Variants in ABCB11 observed in about 807,000 individuals in gnomAD.
ABCB11 encodes the protein bile salt export pump.
ABCB11 carries 95 observed loss-of-function variants against 148.0 expected under a neutral mutation model. That is an observed-to-expected ratio of 0.64 (90% CI 0.54 to 0.76). ABCB11 has a LOEUF of 0.76. ABCB11 is among the 30% of genes least tolerant of loss of function. ABCB11 has a pLI of 0.00. For synonymous variants in ABCB11, 591 were observed against 555.4 expected (o/e 1.06, Z -0.90); for missense variants, 1,523 against 1,617.8 (o/e 0.94, Z 1.01).
In ABCB11 at chr2:168,958,780, A is replaced by G. The variant is rs571217141; in HGVS notation, c.2179-652T>C. Reference sequence around the variant, plus strand: ...ATTAAGTCAGAGCTAGCAGTTTTTTATCTTCTCAAAGGCAAATATTATACA... The same window carrying G: ...ATTAAGTCAGAGCTAGCAGTTTTTTGTCTTCTCAAAGGCAAATATTATACA... On this transcript the variant is annotated intron_variant, in intron 18 of 27. Transcript: ENST00000650372. Among the ~76,000 whole-genome samples, 233 of 151,736 alleles carry G rather than the reference A, an allele frequency of 1.5e-3. 4 individuals carry two copies. The highest frequency in any genetic ancestry group is 5.0e-3 in the African/African-American group (208 of 41,498).
chr2:168,984,583 A>C (rs1308918367), intron 10 of ABCB11, among the ~76,000 whole-genome samples: 2 of 152,172 alleles, frequency 1.3e-5, no homozygotes, highest in Non-Finnish European at 2.9e-5. Flanking sequence ...AAGTACATTT[A>C]TTAGTATATA....
intron 19 of ABCB11, among the ~76,000 whole-genome samples, chr2:168,953,281 G>A (rs1369088614): frequency 1.3e-5 from 2 of 151,598 alleles, no homozygotes; most frequent in South Asian, 2.1e-4. Flanking sequence ...ATGATGATCT[G>A]GCTAGTGTGT....
rs553314589 is a variant in ABCB11 at position 168,923,090 on chromosome 2, G to T, written c.*532C>A. ...TTAGCCTTAGAGATGAAGGAAGCTG[G>T]TTTCACTTGAAAGACAAATTTAGTT... On this transcript the variant is annotated 3_prime_UTR_variant, in exon 28 of 28. Coordinates refer to ENST00000650372, the MANE Select transcript of ABCB11 (RefSeq NM_003742.4). 5.7e-5 allele frequency: 9 copies of T among 156,696 alleles called. No homozygotes were observed. Among genetic ancestry groups the T allele is most frequent in the African/African-American group, 2.2e-4 (9 of 41,466 alleles). The allele number at this position is 156,696 out of a possible 1,614,324, so 9.7% of individuals were successfully genotyped here.
intron 21 of ABCB11, among the ~76,000 whole-genome samples, chr2:168,941,344 G>A (rs1692051824): frequency 6.6e-6 from 1 of 151,912 alleles, no homozygotes; most frequent in African/African-American, 2.4e-5. Flanking sequence ...GTGATTCATG[G>A]GAGGAGGTCA....
Position 168,958,072 on chromosome 2 carries a change from C to A in ABCB11, c.2235G>T (p.Leu745=). Residue 745 remains leucine (L), a synonymous_variant, in exon 19 of 28, where the codon CTG becomes CTT. Transcript: ENST00000650372. ...EVEPAPVRRI[L]KFSAPEWPYM... ...AGGGCCATTCTGGAGCACTGAATTT[C>A]AGAATCCTCCTAACTGGGGCAGGTT... 1 of 1,611,458 alleles carries A rather than the reference C, an allele frequency of 6.2e-7. No homozygotes were observed.
At chr2:168,946,381 A>G (rs1270044631) in intron 19 of ABCB11, among the ~76,000 whole-genome samples, 2 of 151,858 alleles carry the variant, frequency 1.3e-5, no homozygotes, top group Non-Finnish European at 2.9e-5. Flanking sequence ...GTAAAGCAAA[A>G]GTAACCCGTT....
rs770013327 is a variant in ABCB11, at chr2:168,957,947, T to C, written c.2343+17A>G. 1 of 1,516,278 alleles carries C rather than the reference T, an allele frequency of 6.6e-7. No homozygotes were observed. The highest frequency in any genetic ancestry group is 8.9e-7 in the Non-Finnish European group (1 of 1,117,412). The allele number at this position is 1,516,278 out of a possible 1,614,324, so 93.9% of individuals were successfully genotyped here. A position where few individuals can be genotyped will look rare whatever the true frequency, so the allele number is the denominator to read the frequency against. The stretch of plus-strand genomic sequence containing the variant: ...AAAGGTATGAGAAGAAGAAAGCTAG[T>C]CCAGCTGTGTACTTACCCCAAGAAT... On this transcript the variant is annotated intron_variant, in intron 19 of 27. Coordinates refer to ENST00000650372, the MANE Select transcript of ABCB11 (RefSeq NM_003742.4).
chr2:168,930,628 C>A, intron 25 of ABCB11, 37 bp downstream of exon 25: 2 of 1,454,998 alleles, frequency 1.4e-6, no homozygotes, highest in Non-Finnish European at 1.8e-6. Context: ...AAATACTCTG[C>A]AGAAGGCAAA....
At chr2:169,025,029 C>CA (rs1210833830) in intron 1 of ABCB11, among the ~76,000 whole-genome samples, 2 of 150,094 alleles carry the variant, frequency 1.3e-5, no homozygotes, top group Non-Finnish European at 3.0e-5. Context: ...ATTTTTTTTT[C>CA]AAAAAAACAG....
rs1313100750 is a variant in ABCB11, at chr2:168,924,800, ATTTCTG to A, written c.3619-3_3621del. 1 of 1,611,208 alleles carries A rather than the reference ATTTCTG, an allele frequency of 6.2e-7. No individual in the cohort carries two copies. Among genetic ancestry groups the A allele is most frequent in the Admixed American group, 1.7e-5 (1 of 59,550 alleles). On this transcript the variant is annotated splice_acceptor_variant and splice_polypyrimidine_tract_variant and coding_sequence_variant and intron_variant, in exon 27 of 28. Transcript: ENST00000650372. LOFTEE classifies it high-confidence loss of function. ...CCCTGGGACCCAACGTTAGTTTCAT[ATTTCTG>A]AAAAAAAGTATGATAAGTTTGAGAA...
rs1044596989 is a variant in ABCB11 at position 168,968,396 on chromosome 2, G to A, written c.2075+31C>T. The stretch of plus-strand genomic sequence containing the variant: ...GAGGACTCCTCAGAATATTTGGAAA[G>A]CTTGTAATCTGCCCCATGGCTTGAG... On this transcript the variant is annotated intron_variant, in intron 17 of 27. Transcript: ENST00000650372. 12 of 1,598,218 alleles carry A rather than the reference G, an allele frequency of 7.5e-6. No homozygotes were observed. The East Asian group carries it at 2.7e-4, about 36-fold the overall frequency.
chr2:168,951,902 G>A (rs753902417), intron 19 of ABCB11, among the ~76,000 whole-genome samples: 18 of 151,476 alleles, frequency 1.2e-4, no homozygotes, highest in African/African-American at 2.4e-4. Context: ...TTATTATGTC[G>A]AAGTATGTTC....
chr2:168,958,327 A>G (rs1338386608), intron 18 of ABCB11, among the ~76,000 whole-genome samples, 199 bp from the exon 19 acceptor site: 1 of 151,642 alleles, frequency 6.6e-6, no homozygotes, highest in Non-Finnish European at 1.5e-5. Context: ...ATAAAAACTG[A>G]ACTGAGGGAA....
chr2:168,935,405 A>C lies in ABCB11; in HGVS notation c.2835T>G (p.Ser945Arg). ...CAATTCCAGCAACAGTGCGGATGTT[A>C]CTGAGGGCTTCATTTGTAATCTGAA... ...MVGQITNEAL[S>R]NIRTVAGIGK... Residue 945 changes from serine (S) to arginine (R), a missense_variant, in exon 23 of 28, where the codon AGT becomes AGG. Transcript: ENST00000650372. 1 of 1,612,312 alleles carries C rather than the reference A, an allele frequency of 6.2e-7. No individual in the cohort carries two copies. The highest frequency in any genetic ancestry group is 8.5e-7 in the Non-Finnish European group (1 of 1,178,744).
At chr2:169,016,503 CTTG>C (rs777965864) in intron 3 of ABCB11, among the ~76,000 whole-genome samples, 1 of 152,172 alleles carries the variant, frequency 6.6e-6, no homozygotes, top group Non-Finnish European at 1.5e-5. Context: ...TGAAATTATA[CTTG>C]TTGTTCAACT....
chr2:168,961,724 C>T (rs537041234), intron 18 of ABCB11, among the ~76,000 whole-genome samples: 4 of 151,706 alleles, frequency 2.6e-5, no homozygotes, highest in Non-Finnish European at 5.9e-5. Flanking sequence ...TGGGTATAGT[C>T]TCATCTCTGT....
At position 169,029,492 on chromosome 2, in the gene ABCB11, T is replaced by G. The variant is rs138107028; in HGVS notation, c.-28+1733A>C. ...GTCGGTTGATGCTGTGTGTCAACAC[T>G]GTGGGTGACCCAGTCTGGGAATAGA... On this transcript the variant is annotated intron_variant, in intron 1 of 27. Coordinates refer to ENST00000650372, the MANE Select transcript of ABCB11 (RefSeq NM_003742.4). 5.5e-3 allele frequency among the ~76,000 whole-genome samples: 843 copies of G among 152,244 alleles called. 5 individuals carry two copies. Among genetic ancestry groups the G allele is most frequent in the African/African-American group, 0.019 (773 of 41,542 alleles).
At chr2:168,938,395 C>T (rs1691919773) in intron 21 of ABCB11, among the ~76,000 whole-genome samples, 1 of 152,132 alleles carries the variant, frequency 6.6e-6, no homozygotes. Context: ...TCAAAAACAT[C>T]ATGTTATGTG....
At chr2:168,925,924 C>T (rs960457019) in intron 26 of ABCB11, among the ~76,000 whole-genome samples, 1 of 152,300 alleles carries the variant, frequency 6.6e-6, no homozygotes. Context: ...ACAATCTTTG[C>T]TTTTGATCTC....
Sources: gnomAD v4.1 joint callset for allele counts (sites outside exome capture counted in the v4.1 genomes callset) on GRCh38, gnomAD v4.1.1 for gene constraint, MANE v1.5 for transcripts, NCBI Gene and HGNC (gene_info 2026-07-23, HGNC 2026-07-21) for gene names.